The following DNAI1 variants were observed in gnomAD, a reference collection of about 807,000 sequenced individuals.
DNAI1 encodes the protein dynein axonemal intermediate chain 1.
DNAI1 carries 67 observed loss-of-function variants against 92.0 expected under a neutral mutation model. The ratio of observed to expected loss-of-function variants is 0.73; its 90% confidence interval spans 0.60 to 0.89. The LOEUF (loss-of-function observed/expected upper bound fraction) is 0.89. DNAI1 is among the 40% of genes least tolerant of loss of function. DNAI1 has a pLI of 0.00. For synonymous variants in DNAI1, 323 were observed against 319.6 expected, an observed-to-expected ratio of 1.01 and a Z score of -0.11; for missense variants, 839 against 866.6, an observed-to-expected ratio of 0.97 and a Z score of 0.40.
At chr9:34,517,502 G>T (rs369475717) in intron 19 of DNAI1, 35 bp downstream of exon 19, 8 of 1,613,410 alleles carry the variant, frequency 5.0e-6, no homozygotes, top group Admixed American at 1.7e-5. Flanking sequence ...GCTGCAAGAC[G>T]TAAAGTCTCC....
At chr9:34,474,860 T>C (rs764690246) in intron 1 of DNAI1, among the ~76,000 whole-genome samples, 4 of 152,072 alleles carry the variant, frequency 2.6e-5, no homozygotes, top group African/African-American at 4.8e-5. Flanking sequence ...AGCCACCGTG[T>C]CCGGCAAGGT....
intron 1 of DNAI1, among the ~76,000 whole-genome samples, chr9:34,467,625 AC>A (rs1275829168): frequency 6.6e-6 from 1 of 151,738 alleles, no homozygotes; most frequent in Admixed American, 6.6e-5. Context: ...CAGAGTGAGA[AC>A]CTGTCTCTAA....
At chr9:34,484,787 A>G (rs1824438728) in intron 2 of DNAI1, among the ~76,000 whole-genome samples, 2 of 152,236 alleles carry the variant, frequency 1.3e-5, no homozygotes, top group African/African-American at 4.8e-5. Context: ...CACTTTGCAT[A>G]AAGCCCTGCC....
intron 18 of DNAI1, among the ~76,000 whole-genome samples, chr9:34,515,942 T>C (rs1041616832): frequency 5.3e-5 from 8 of 152,058 alleles, no homozygotes; most frequent in Admixed American, 1.3e-4. Context: ...AATAAAGTTG[T>C]TACATTAAAA....
chr9:34,491,808 G>A (rs901150894), intron 8 of DNAI1, among the ~76,000 whole-genome samples: 1 of 152,202 alleles, frequency 6.6e-6, no homozygotes, highest in Admixed American at 6.5e-5. Context: ...AAACAGGCAT[G>A]GCTTCTGGAT....
At chr9:34,480,272 C>CT (rs202115133) in intron 1 of DNAI1, among the ~76,000 whole-genome samples, 16,811 of 97,856 alleles carry the variant, frequency 0.17, 2,143 homozygotes, top group Non-Finnish European at 0.21. Context: ...TTTGGTGGAA[C>CT]TTTTTTTTTT....
Position 34,513,112 on chromosome 9 carries a change from G to T in DNAI1, c.1490G>T (p.Gly497Val), listed in dbSNP as rs376252276. 4 of 1,613,834 alleles carry T rather than the reference G, an allele frequency of 2.5e-6. No individual in the cohort carries two copies. Among genetic ancestry groups the T allele is most frequent in the Non-Finnish European group, 3.4e-6 (4 of 1,179,858 alleles). ...GCCTGCCCCTCCCTCTTTTCCCAAG[G>T]TTGTGGCACTGCCTTTGACTTCCAC... ...VPEGLQLHPV[G>V]CGTAFDFHKE... The change falls in exon 16 of 20, where the codon GGT becomes GTT. Residue 497 changes from glycine to valine, a missense_variant and splice_region_variant. By Grantham distance (109) the Gly-to-Val change is moderately radical (BLOSUM62 -3). Coordinates refer to ENST00000242317, the MANE Select transcript of DNAI1 (RefSeq NM_012144.4).
intron 1 of DNAI1, among the ~76,000 whole-genome samples, chr9:34,468,306 C>A (rs910731275): frequency 6.6e-6 from 1 of 151,564 alleles, no homozygotes; most frequent in African/African-American, 2.4e-5. Flanking sequence ...CTCAGCCTCC[C>A]GAGTAGCTGG....
chr9:34,497,769 A>T (rs556262667), intron 10 of DNAI1, among the ~76,000 whole-genome samples: 1 of 152,308 alleles, frequency 6.6e-6, no homozygotes, highest in East Asian at 1.9e-4. Context: ...GGAGAAGCAG[A>T]GTGTGTGAGA....
intron 8 of DNAI1, among the ~76,000 whole-genome samples, chr9:34,492,762 C>T (rs1379243209): frequency 1.3e-5 from 2 of 151,768 alleles, no homozygotes; most frequent in African/African-American, 4.8e-5. Flanking sequence ...CTCAAACAAT[C>T]CACCTGCCTC....
rs368153420 is a variant in DNAI1, at chr9:34,514,559, T to C, written c.1718+17T>C. On this transcript the variant is annotated intron_variant, in intron 17 of 19. Coordinates refer to ENST00000242317, the MANE Select transcript of DNAI1 (RefSeq NM_012144.4). The stretch of plus-strand genomic sequence containing the variant: ...CACCATCAAGTGAGGGGCCTGTTCC[T>C]GGCTCTGCCTGGGGCCCTCCCCTGG... The C allele has an allele frequency of 6.2e-7, 1 of 1,614,130 alleles. No individual in the cohort carries two copies. Among genetic ancestry groups the C allele is most frequent in the African/African-American group, 1.3e-5 (1 of 74,944 alleles).
At chr9:34,508,106 T>C (rs189924208) in intron 13 of DNAI1, among the ~76,000 whole-genome samples, 78 of 152,328 alleles carry the variant, frequency 5.1e-4, no homozygotes, top group Non-Finnish European at 5.9e-5. Flanking sequence ...CTGCCTGAAG[T>C]TGCTCAAGGT....
chr9:34,517,574 A>G (rs1825194335), intron 19 of DNAI1, 107 bp downstream of exon 19: 2 of 1,316,984 alleles, frequency 1.5e-6, no homozygotes, highest in Non-Finnish European at 2.2e-6. Flanking sequence ...GATGTGGGAG[A>G]CCCAGGGTAA....
rs1203217673 is a variant in DNAI1, at chr9:34,471,545, G to A, written c.49-11903G>A. Among the ~76,000 whole-genome samples the A allele has an allele frequency of 2.6e-5, 4 of 152,016 alleles. No individual in the cohort carries two copies. In the East Asian group the frequency reaches 5.8e-4, roughly 22 times the overall value. Reference sequence around the variant, plus strand: ...AGCACTTTGGGAGGCCGAGGTGGGCGGATCATGAGGTCAGGAGTTCGAGAT... The same window carrying A: ...AGCACTTTGGGAGGCCGAGGTGGGCAGATCATGAGGTCAGGAGTTCGAGAT... On this transcript the variant is annotated intron_variant, in intron 1 of 19. Transcript: ENST00000242317.
intron 13 of DNAI1, among the ~76,000 whole-genome samples, chr9:34,507,707 T>G (rs757827988): frequency 1.4e-4 from 22 of 152,220 alleles, no homozygotes; most frequent in Non-Finnish European, 2.4e-4. Flanking sequence ...TCCTCTGCCA[T>G]CTGGGCTAGA....
chr9:34,505,503 A>C (rs1824908847), intron 12 of DNAI1, among the ~76,000 whole-genome samples: 1 of 152,166 alleles, frequency 6.6e-6, no homozygotes, highest in Admixed American at 6.5e-5. Flanking sequence ...AAAGTGACAT[A>C]TTTACAGGCT....
In DNAI1 at chr9:34,512,137, A is replaced by G. The variant is rs199627038; in HGVS notation, c.1340A>G (p.Gln447Arg). ...QVKWQKDDMD[Q>R]NLNFFSVSSD... ...AAGTGGCAGAAGGATGACATGGACC[A>G]AAACCTTAACTTCTTCTCTGTGTCA... Residue 447 changes from glutamine to arginine, a missense_variant, in exon 14 of 20, where the codon CAA (glutamine) becomes CGA (arginine). Coordinates refer to ENST00000242317, the MANE Select transcript of DNAI1 (RefSeq NM_012144.4). The G allele has an allele frequency of 1.4e-5, 22 of 1,614,054 alleles. No homozygotes were observed. The highest frequency in any genetic ancestry group is 1.6e-5 in the Non-Finnish European group (19 of 1,180,034).
rs1465387541 is a variant in DNAI1 at position 34,462,815 on chromosome 9, T to C, written c.48+3762T>C. Among the ~76,000 whole-genome samples, 19 of 152,214 alleles carry C rather than the reference T, an allele frequency of 1.2e-4. 1 individual carries two copies. The highest frequency in any genetic ancestry group is 1.2e-3 in the Admixed American group (18 of 15,278). On this transcript the variant is annotated intron_variant, in intron 1 of 19. Coordinates refer to ENST00000242317, the MANE Select transcript of DNAI1 (RefSeq NM_012144.4). ...GGAGACTAAGAGATAAAAATATTGA[T>C]GTGTAAATATTCATGCAGTAATTAT...
Position 34,501,145 on chromosome 9 carries a change from A to G in DNAI1, c.1027A>G (p.Lys343Glu). The change falls in exon 12 of 20, where the codon AAG becomes GAG. Residue 343 changes from lysine to glutamate, a missense_variant. Transcript: ENST00000242317. ...LSVTALCWNP[K>E]YRDLFAVGYG... ...TCATATTTTTTTTTGCAGGAATCCA[A>G]AGTACAGGGATCTGTTTGCAGTGGG... is the stretch of plus-strand genomic sequence containing the variant. The G allele has an allele frequency of 1.2e-6, 2 of 1,613,756 alleles. No homozygotes were observed. Among genetic ancestry groups the G allele is most frequent in the Non-Finnish European group, 1.7e-6 (2 of 1,179,610 alleles).
Sources: allele counts gnomAD v4.1 joint callset (sites outside exome capture counted in the v4.1 genomes callset), GRCh38; gene constraint gnomAD v4.1.1; transcripts MANE v1.5; gene names NCBI Gene and HGNC (gene_info 2026-07-23, HGNC 2026-07-21).